GPR158: variants seen among roughly 807,000 people sequenced by gnomAD.
GPR158 encodes metabotropic glycine receptor.
In GPR158, 30 loss-of-function variants were observed where a neutral mutation model predicts 78.2. The observed-to-expected ratio is 0.38, with a 90% CI of 0.29 to 0.52. GPR158 has a LOEUF of 0.52. GPR158 is among the 20% of genes least tolerant of loss of function. The pLI, the probability that GPR158 is intolerant of heterozygous loss-of-function variation, is 0.83. For missense variants in GPR158, 1,463 were observed against 1,523.5 expected, an observed-to-expected ratio of 0.96 and a Z score of 0.66; for synonymous variants, 581 against 591.1, an observed-to-expected ratio of 0.98 and a Z score of 0.25.
chr10:25,553,509 T>C (rs1341349653), intron 6 of GPR158, among the ~76,000 whole-genome samples: 1 of 152,164 alleles, frequency 6.6e-6, no homozygotes, highest in Non-Finnish European at 1.5e-5. Context: ...GATCCCAACA[T>C]TGTTTACATC....
At chr10:25,338,738 A>G (rs1171398044) in intron 2 of GPR158, among the ~76,000 whole-genome samples, 2 of 150,544 alleles carry the variant, frequency 1.3e-5, no homozygotes, top group Non-Finnish European at 3.0e-5. Flanking sequence ...AATTGTTTGT[A>G]TTATTCTTTG....
At chr10:25,406,692 AT>A (rs914088462) in intron 3 of GPR158, among the ~76,000 whole-genome samples, 2 of 152,128 alleles carry the variant, frequency 1.3e-5, no homozygotes, top group African/African-American at 4.8e-5. Context: ...ATTAGTTATA[AT>A]TTGTTTTCTT....
rs1009496052 is a variant in GPR158 at position 25,176,334 on chromosome 10, C to T, written c.902+12C>T. The T allele has an allele frequency of 1.8e-5, 28 of 1,549,262 alleles. No homozygotes were observed. The highest frequency in any genetic ancestry group is 2.3e-5 in the Non-Finnish European group (26 of 1,146,544). ...GTCCCGGAATTCAGGTAGGGAGGGC[C>T]GGGGGGCAGGGGGGAAGGCAAAAGC... On this transcript the variant is annotated intron_variant, in intron 1 of 10. Coordinates refer to ENST00000376351, the MANE Select transcript of GPR158 (RefSeq NM_020752.3). The surrounding 1 kb of genome is among the most constrained non-coding windows in gnomAD (Gnocchi z 6.3).
chr10:25,262,570 A>G (rs944165484), intron 2 of GPR158, among the ~76,000 whole-genome samples: 4 of 152,172 alleles, frequency 2.6e-5, no homozygotes, highest in African/African-American at 9.7e-5. Flanking sequence ...ATTAATAAAC[A>G]TTTTTAAGAG....
At chr10:25,299,052 A>G (rs1372852945) in intron 2 of GPR158, among the ~76,000 whole-genome samples, 1 of 152,180 alleles carries the variant, frequency 6.6e-6, no homozygotes, top group Non-Finnish European at 1.5e-5. Context: ...TTTCTTTTAA[A>G]TTTATTTTAA....
chr10:25,566,640 G>A (rs955853567), intron 6 of GPR158, among the ~76,000 whole-genome samples: 1 of 152,208 alleles, frequency 6.6e-6, no homozygotes, highest in Non-Finnish European at 1.5e-5. Flanking sequence ...AATATATTTA[G>A]AACCCAGTTG....
At chr10:25,257,301 C>T (rs186888352) in intron 2 of GPR158, among the ~76,000 whole-genome samples, 24 of 152,222 alleles carry the variant, frequency 1.6e-4, no homozygotes, top group Admixed American at 1.4e-3. Flanking sequence ...TTTTAAAGGC[C>T]CTGTCTTTTA....
chr10:25,359,428 GCCTGA>G (rs1855599083), intron 2 of GPR158, among the ~76,000 whole-genome samples: 4 of 151,928 alleles, frequency 2.6e-5, no homozygotes, highest in Admixed American at 2.6e-4. Context: ...CCCCTGACAG[GCCTGA>G]GTATATGATG....
At chr10:25,464,169 A>C (rs1417027819) in intron 4 of GPR158, among the ~76,000 whole-genome samples, 1 of 152,184 alleles carries the variant, frequency 6.6e-6, no homozygotes, top group African/African-American at 2.4e-5. Flanking sequence ...AACAATTACA[A>C]ATGAAAAGGA....
intron 6 of GPR158, among the ~76,000 whole-genome samples, chr10:25,558,033 C>A (rs868611376): frequency 6.6e-6 from 1 of 152,208 alleles, no homozygotes; most frequent in African/African-American, 2.4e-5. Flanking sequence ...GCTTTTCAAT[C>A]TGGAGCTTCT....
chr10:25,343,902 G>A (rs495456), intron 2 of GPR158, among the ~76,000 whole-genome samples: 92,477 of 151,842 alleles, frequency 0.61, 30,167 homozygotes, highest in Non-Finnish European at 0.75. Flanking sequence ...AAAAGAGGAA[G>A]GCACTGTTGA....
chr10:25,402,958 G>T (rs933422600), intron 3 of GPR158, among the ~76,000 whole-genome samples: 1 of 151,246 alleles, frequency 6.6e-6, no homozygotes, highest in Non-Finnish European at 1.5e-5. Flanking sequence ...ATAAACTTTG[G>T]AATGTATACA....
intron 6 of GPR158, among the ~76,000 whole-genome samples, chr10:25,558,303 A>G (rs1032384406): frequency 2.0e-5 from 3 of 152,238 alleles, no homozygotes; most frequent in African/African-American, 7.2e-5. Context: ...TTAGCAGACT[A>G]TAGCTGATAA....
At chr10:25,206,769 G>A (rs777409387) in intron 1 of GPR158, among the ~76,000 whole-genome samples, 1 of 151,822 alleles carries the variant, frequency 6.6e-6, no homozygotes, top group Non-Finnish European at 1.5e-5. Context: ...TTTGATTTCT[G>A]ATGGTTAAAT....
chr10:25,404,938 G>A (rs1044725951), intron 3 of GPR158, among the ~76,000 whole-genome samples: 1 of 152,116 alleles, frequency 6.6e-6, no homozygotes. Flanking sequence ...GTCCACCTTT[G>A]GACAGCACAT....
rs117354104 is a variant in GPR158 at position 25,551,849 on chromosome 10, A to T, written c.1514+764A>T. On this transcript the variant is annotated intron_variant, in intron 6 of 10. Transcript: ENST00000376351. ...CTGCAGGGTAGAACTGTATCCCTAT[A>T]AAGAAAACCCTTTGTACTGATCAGC... Among the ~76,000 whole-genome samples, 113 of 152,298 alleles carry T rather than the reference A, an allele frequency of 7.4e-4. 2 individuals are homozygous for T. The East Asian group carries it at 0.019, about 25-fold the overall frequency.
At chr10:25,388,790 G>A (rs1268224978) in intron 2 of GPR158, among the ~76,000 whole-genome samples, 2 of 152,176 alleles carry the variant, frequency 1.3e-5, no homozygotes, top group Non-Finnish European at 2.9e-5. Context: ...ACTCTTGGGG[G>A]GCCTGGGAAG....
At chr10:25,284,566 A>T (rs905821811) in intron 2 of GPR158, among the ~76,000 whole-genome samples, 4 of 151,654 alleles carry the variant, frequency 2.6e-5, no homozygotes, top group African/African-American at 9.7e-5. Flanking sequence ...TTAGAGTTTT[A>T]TTCAGTCTGA....
intron 1 of GPR158, among the ~76,000 whole-genome samples, chr10:25,178,846 C>G (rs1407497347): frequency 2.6e-5 from 4 of 152,150 alleles, no homozygotes; most frequent in African/African-American, 9.7e-5. Flanking sequence ...GTGGCTTGTC[C>G]AAAAATCATG....
Sources: gnomAD v4.1 joint callset for allele counts (sites outside exome capture counted in the v4.1 genomes callset) on GRCh38, gnomAD v4.1.1 for gene constraint, Gnocchi (gnomAD v3.1) non-coding constraint, MANE v1.5 for transcripts, NCBI Gene and HGNC (gene_info 2026-07-23, HGNC 2026-07-21) for gene names.